Variants in TPPP3 observed in about 807,000 individuals in gnomAD.
TPPP3 encodes the protein tubulin polymerization promoting protein family member 3, also known as tubulin polymerization-promoting protein family member 3.
TPPP3 carries 7 observed loss-of-function variants against 13.1 expected under a neutral mutation model. The observed-to-expected ratio is 0.54, with a 90% confidence interval of 0.30 to 1.01. TPPP3 has a LOEUF of 1.01. Among genes scored for constraint, TPPP3 ranks in the 50% least tolerant of loss-of-function variants. The probability of loss-of-function intolerance (pLI) is 0.06; values close to 1 mark genes in which losing one functional copy is unlikely to be tolerated. For synonymous variants in TPPP3, 87 were observed against 93.7 expected (o/e 0.93, Z 0.41); for missense variants, 185 against 235.0 (o/e 0.79, Z 1.39).
chr16:67,393,479 G>A lies in TPPP3; in HGVS notation c.-106C>T, dbSNP rs918357541. On this transcript the variant is annotated 5_prime_UTR_variant, in exon 1 of 4. Transcript: ENST00000393957. This position sits in a 1 kb window ranked among gnomAD's most constrained non-coding sequence, Gnocchi z 5.4. ...AGGCGGCTCCGCAGCTCCGCTCCCT[G>A]CCGGCTCCCGGGTGGGACTGCAGCC... 4.1e-6 allele frequency: 4 copies of A among 985,504 alleles called. No homozygotes were observed. Among genetic ancestry groups the A allele is most frequent in the African/African-American group, 1.7e-5 (1 of 57,250 alleles). The allele number at this position is 985,504 out of a possible 1,614,324, so 61.0% of individuals were successfully genotyped here.
At position 67,389,974 on chromosome 16, in the gene TPPP3, C is replaced by G. The variant is rs1051939286; in HGVS notation, c.*200G>C. 1.7e-6 allele frequency: 1 copy of G among 593,126 alleles called. No homozygotes were observed. Among genetic ancestry groups the G allele is most frequent in the Non-Finnish European group, 3.0e-6 (1 of 336,228 alleles). 36.7% of individuals were successfully genotyped at this position (593,126 alleles called of 1,614,324 possible). On this transcript the variant is annotated 3_prime_UTR_variant, in exon 4 of 4. Transcript: ENST00000393957. The stretch of plus-strand genomic sequence containing the variant: ...GTCCCCAGGTGGACAGAAGTTGGAG[C>G]AGGAAGAGGAGGAGGAAGGGGCCGC...
chr16:67,392,189 C>T lies in TPPP3; in HGVS notation c.-6-1072G>A, dbSNP rs762585857. ...CTGGGCCTTGTACCCCTGGCCATAC[C>T]TTCAGCCCTCCATCCTCCATCTTCA... On this transcript the variant is annotated intron_variant, in intron 1 of 3. Coordinates refer to ENST00000393957, the MANE Select transcript of TPPP3 (RefSeq NM_015964.4). This position sits in a 1 kb window ranked among gnomAD's most constrained non-coding sequence, Gnocchi z 4.9. 3.3e-5 allele frequency among the ~76,000 whole-genome samples: 5 copies of T among 151,854 alleles called. No individual in the cohort carries two copies. Among genetic ancestry groups the T allele is most frequent in the Non-Finnish European group, 7.4e-5 (5 of 67,918 alleles).
rs1387168883 is a variant in TPPP3, at chr16:67,392,106, G to A, written c.-6-989C>T. On this transcript the variant is annotated intron_variant, in intron 1 of 3. Coordinates refer to ENST00000393957, the MANE Select transcript of TPPP3 (RefSeq NM_015964.4). The surrounding 1 kb of genome is among the most constrained non-coding windows in gnomAD (Gnocchi z 4.9). Reference sequence around the variant, plus strand: ...CCTCCCCTGGCCACGCCCTGAACTTGGCCACACCAGCCCACATTCCCAGCG... The same window carrying A: ...CCTCCCCTGGCCACGCCCTGAACTTAGCCACACCAGCCCACATTCCCAGCG... Among the ~76,000 whole-genome samples the A allele has an allele frequency of 1.3e-5, 2 of 149,236 alleles. No homozygotes were observed. Among genetic ancestry groups the A allele is most frequent in the African/African-American group, 5.0e-5 (2 of 40,194 alleles).
In TPPP3 at chr16:67,393,445, C is replaced by G. The variant is rs1597525341; in HGVS notation, c.-72G>C. ...CGACGCAGGAATGGACCGATGGACG[C>G]GGGAGACCAGGCGGCTCCGCAGCTC... On this transcript the variant is annotated 5_prime_UTR_variant, in exon 1 of 4. Coordinates refer to ENST00000393957, the MANE Select transcript of TPPP3 (RefSeq NM_015964.4). This position sits in a 1 kb window ranked among gnomAD's most constrained non-coding sequence, Gnocchi z 5.4. 1 of 985,472 alleles carries G rather than the reference C, an allele frequency of 1.0e-6. No homozygotes were observed. Among genetic ancestry groups the G allele is most frequent in the African/African-American group, 1.7e-5 (1 of 57,246 alleles). The allele number at this position is 985,472 out of a possible 1,614,324, so 61.0% of individuals were successfully genotyped here. A position where few individuals can be genotyped will look rare whatever the true frequency, so the allele number is the denominator to read the frequency against.
At position 67,390,556 on chromosome 16, in the gene TPPP3, C is replaced by G. The variant is rs200153072; in HGVS notation, c.265G>C (p.Gly89Arg). 12 of 1,614,042 alleles carry G rather than the reference C, an allele frequency of 7.4e-6. No homozygotes were observed. The highest frequency in any genetic ancestry group is 1.6e-4 in the Middle Eastern group (1 of 6,062). ...LEELATKRFK[G>R]KSKEEAFDAI... ...TCGAAGGCCTCCTCCTTGCTCTTCC[C>G]CTTGAATCTCTTGGTCGCCAGCTCT... The change falls in exon 3 of 4, where the codon GGG becomes CGG. Residue 89 changes from glycine (G) to arginine (R), a missense_variant. By Grantham distance (125) the Gly-to-Arg change is moderately radical (BLOSUM62 -2). Coordinates refer to ENST00000393957, the MANE Select transcript of TPPP3 (RefSeq NM_015964.4). This position sits in a 1 kb window ranked among gnomAD's most constrained non-coding sequence, Gnocchi z 6.4.
In TPPP3 at chr16:67,391,179, A is replaced by G. The variant is rs1232375392; in HGVS notation, c.-6-62T>C. The G allele has an allele frequency of 6.5e-7, 1 of 1,536,230 alleles. No homozygotes were observed. Among genetic ancestry groups the G allele is most frequent in the African/African-American group, 1.4e-5 (1 of 73,702 alleles). ...TGCCCTTCCCCTCCCCCAAGCCCAG[A>G]ACATCCCAGCCTCTACCTCAAACCT... is the stretch of plus-strand genomic sequence containing the variant. On this transcript the variant is annotated intron_variant, in intron 1 of 3. Transcript: ENST00000393957. This position sits in a 1 kb window ranked among gnomAD's most constrained non-coding sequence, Gnocchi z 6.3.
chr16:67,390,893 A>T lies in TPPP3; in HGVS notation c.188+31T>A. On this transcript the variant is annotated intron_variant, in intron 2 of 3. Coordinates refer to ENST00000393957, the MANE Select transcript of TPPP3 (RefSeq NM_015964.4). This position sits in a 1 kb window ranked among gnomAD's most constrained non-coding sequence, Gnocchi z 6.4. ...CCCCCCAGTTCCCCACCTCCTGGGA[A>T]CATGAGAAGCAGGGGCTGCTTAGGG... The T allele has an allele frequency of 6.2e-7, 1 of 1,603,134 alleles. No individual in the cohort carries two copies. Among genetic ancestry groups the T allele is most frequent in the Non-Finnish European group, 8.5e-7 (1 of 1,172,174 alleles).
In TPPP3 at chr16:67,393,251, G is replaced by T; in HGVS notation, c.-7+129C>A. The stretch of plus-strand genomic sequence containing the variant: ...GGTGGAATGCTTGGGGCCAGGGCAG[G>T]GCCGCTCAGCTGGCTCCTCGGCTGG... On this transcript the variant is annotated intron_variant, in intron 1 of 3. Transcript: ENST00000393957. This position sits in a 1 kb window ranked among gnomAD's most constrained non-coding sequence, Gnocchi z 5.4. 1.1e-6 allele frequency: 1 copy of T among 873,718 alleles called. No individual in the cohort carries two copies. Among genetic ancestry groups the T allele is most frequent in the Non-Finnish European group, 1.4e-6 (1 of 728,074 alleles). 54.1% of individuals were successfully genotyped at this position (873,718 alleles called of 1,614,324 possible).
chr16:67,393,266 T>A lies in TPPP3; in HGVS notation c.-7+114A>T. ...GCCAGGGCAGGGCCGCTCAGCTGGC[T>A]CCTCGGCTGGGACCGCCGGAGGTTG... On this transcript the variant is annotated intron_variant, in intron 1 of 3. Transcript: ENST00000393957. The surrounding 1 kb of genome is among the most constrained non-coding windows in gnomAD (Gnocchi z 5.4). 2 of 936,602 alleles carry A rather than the reference T, an allele frequency of 2.1e-6. No individual in the cohort carries two copies. Among genetic ancestry groups the A allele is most frequent in the Non-Finnish European group, 2.5e-6 (2 of 785,414 alleles). The allele number at this position is 936,602 out of a possible 1,614,324, so 58.0% of individuals were successfully genotyped here.
Position 67,393,168 on chromosome 16 carries a change from G to T in TPPP3, c.-7+212C>A. On this transcript the variant is annotated intron_variant, in intron 1 of 3. Coordinates refer to ENST00000393957, the MANE Select transcript of TPPP3 (RefSeq NM_015964.4). The surrounding 1 kb of genome is among the most constrained non-coding windows in gnomAD (Gnocchi z 5.4). ...CCCGTGAACTGGAGCCACCCGTCCC[G>T]CTCCCACTGGGACAGCTGGAGTCAT... 3.3e-6 allele frequency: 2 copies of T among 608,096 alleles called. No individual in the cohort carries two copies. The highest frequency in any genetic ancestry group is 4.1e-6 in the Non-Finnish European group (2 of 485,180). The allele number at this position is 608,096 out of a possible 1,614,324, so 37.7% of individuals were successfully genotyped here. A position where few individuals can be genotyped will look rare whatever the true frequency, so the allele number is the denominator to read the frequency against.
rs377234620 is a variant in TPPP3, at chr16:67,391,068, C to T, written c.44G>A (p.Arg15His). 4.3e-5 allele frequency: 70 copies of T among 1,614,086 alleles called. No individual in the cohort carries two copies. The highest frequency in any genetic ancestry group is 1.3e-4 in the African/African-American group (10 of 74,954). ...TDMAGLEESF[R>H]KFAIHGDPKA... is the part of the protein sequence containing the mutation. ...GGGGTCACCATGGATGGCAAACTTG[C>T]GGAAGCTCTCCTCCAGCCCAGCCAT... The change falls in exon 2 of 4, where the codon CGC (arginine) becomes CAC (histidine). Residue 15 changes from arginine (R) to histidine (H), a missense_variant. Transcript: ENST00000393957. The surrounding 1 kb of genome is among the most constrained non-coding windows in gnomAD (Gnocchi z 6.3).
rs1030537007 is a variant in TPPP3, at chr16:67,390,050, G to C, written c.*124C>G. The C allele has an allele frequency of 3.7e-6, 4 of 1,091,476 alleles. No individual in the cohort carries two copies. The highest frequency in any genetic ancestry group is 5.2e-6 in the Non-Finnish European group (4 of 771,836). The allele number at this position is 1,091,476 out of a possible 1,614,324, so 67.6% of individuals were successfully genotyped here. A position where few individuals can be genotyped will look rare whatever the true frequency, so the allele number is the denominator to read the frequency against. On this transcript the variant is annotated 3_prime_UTR_variant, in exon 4 of 4. Coordinates refer to ENST00000393957, the MANE Select transcript of TPPP3 (RefSeq NM_015964.4). The surrounding 1 kb of genome is among the most constrained non-coding windows in gnomAD (Gnocchi z 6.4). ...TGGGCCAGCCCAGTGGGACTAGGCA[G>C]GAAGCTCTGGGTGGCAGGTCCAGCA...
In TPPP3 at chr16:67,390,782, A is replaced by AATAGAT; in HGVS notation, c.188+136_188+141dup. 7.1e-7 allele frequency: 1 copy of AATAGAT among 1,403,616 alleles called. No individual in the cohort carries two copies. The highest frequency in any genetic ancestry group is 9.5e-7 in the Non-Finnish European group (1 of 1,047,848). 86.9% of individuals were successfully genotyped at this position (1,403,616 alleles called of 1,614,324 possible). A position where few individuals can be genotyped will look rare whatever the true frequency, so the allele number is the denominator to read the frequency against. On this transcript the variant is annotated intron_variant, in intron 2 of 3. Coordinates refer to ENST00000393957, the MANE Select transcript of TPPP3 (RefSeq NM_015964.4). This position sits in a 1 kb window ranked among gnomAD's most constrained non-coding sequence, Gnocchi z 6.4. The stretch of plus-strand genomic sequence containing the variant: ...GCAGGGGTCAGCAACTCTGGAGGGC[A>AATAGAT]ATAGATATAAGGTTTGCCCTGGAAG...
Position 67,390,237 on chromosome 16 carries a change from G to A in TPPP3, c.468C>T (p.Asp156=), listed in dbSNP as rs137924465. ...KGIAGRQDIL[D]DSGYVSAYKN... Reference sequence around the variant, plus strand: ...TGTAGGCGCTCACGTAGCCACTGTCGTCCAGGATGTCCTGCCGTCCCGCAA... The same window carrying A: ...TGTAGGCGCTCACGTAGCCACTGTCATCCAGGATGTCCTGCCGTCCCGCAA... Residue 156 remains aspartate (D), a synonymous_variant, in exon 4 of 4, where the codon GAC becomes GAT. Coordinates refer to ENST00000393957, the MANE Select transcript of TPPP3 (RefSeq NM_015964.4). The surrounding 1 kb of genome is among the most constrained non-coding windows in gnomAD (Gnocchi z 6.4). 1.3e-4 allele frequency: 206 copies of A among 1,614,190 alleles called. 2 individuals carry two copies. Among genetic ancestry groups the A allele is most frequent in the African/African-American group, 2.9e-4 (22 of 75,034 alleles).
rs937142417 is a variant in TPPP3, at chr16:67,389,920, T to C, written c.*254A>G. ...GGGGTTAGCCATGCCTGGGGCTGGGTTGGGGTCATGAGGCTACAGGCACAG... is the reference window on the plus strand; with the variant it reads ...GGGGTTAGCCATGCCTGGGGCTGGGCTGGGGTCATGAGGCTACAGGCACAG... On this transcript the variant is annotated 3_prime_UTR_variant, in exon 4 of 4. Coordinates refer to ENST00000393957, the MANE Select transcript of TPPP3 (RefSeq NM_015964.4). 29 of 495,432 alleles carry C rather than the reference T, an allele frequency of 5.9e-5. No homozygotes were observed. The South Asian group carries it at 8.0e-4, about 14-fold the overall frequency. The allele number at this position is 495,432 out of a possible 1,614,324, so 30.7% of individuals were successfully genotyped here.
Position 67,393,482 on chromosome 16 carries a change from G to A in TPPP3, c.-109C>T. 1.0e-6 allele frequency: 1 copy of A among 985,542 alleles called. No homozygotes were observed. Among genetic ancestry groups the A allele is most frequent in the South Asian group, 4.7e-5 (1 of 21,292 alleles). 61.0% of individuals were successfully genotyped at this position (985,542 alleles called of 1,614,324 possible). A position where few individuals can be genotyped will look rare whatever the true frequency, so the allele number is the denominator to read the frequency against. On this transcript the variant is annotated 5_prime_UTR_variant, in exon 1 of 4. Transcript: ENST00000393957. This position sits in a 1 kb window ranked among gnomAD's most constrained non-coding sequence, Gnocchi z 5.4. ...CGGCTCCGCAGCTCCGCTCCCTGCC[G>A]GCTCCCGGGTGGGACTGCAGCCCAG...
Position 67,391,178 on chromosome 16 carries a change from G to C in TPPP3, c.-6-61C>G. The C allele has an allele frequency of 6.5e-7, 1 of 1,533,744 alleles. No individual in the cohort carries two copies. On this transcript the variant is annotated intron_variant, in intron 1 of 3. Coordinates refer to ENST00000393957, the MANE Select transcript of TPPP3 (RefSeq NM_015964.4). The surrounding 1 kb of genome is among the most constrained non-coding windows in gnomAD (Gnocchi z 6.3). ...CTGCCCTTCCCCTCCCCCAAGCCCAGAACATCCCAGCCTCTACCTCAAACC... is the reference window on the plus strand; with the variant it reads ...CTGCCCTTCCCCTCCCCCAAGCCCACAACATCCCAGCCTCTACCTCAAACC...
Position 67,390,156 on chromosome 16 carries a change from G to T in TPPP3, c.*18C>A, listed in dbSNP as rs767833503. Reference sequence around the variant, plus strand: ...CTGGCAGGGGCAGCCGCACTTGGCAGGGCGGTCTTCCCAAGCCTCACTTCT... The same window carrying T: ...CTGGCAGGGGCAGCCGCACTTGGCATGGCGGTCTTCCCAAGCCTCACTTCT... On this transcript the variant is annotated 3_prime_UTR_variant, in exon 4 of 4. Transcript: ENST00000393957. This position sits in a 1 kb window ranked among gnomAD's most constrained non-coding sequence, Gnocchi z 6.4. 5 of 1,610,380 alleles carry T rather than the reference G, an allele frequency of 3.1e-6. No homozygotes were observed. The highest frequency in any genetic ancestry group is 4.2e-6 in the Non-Finnish European group (5 of 1,177,204).
In TPPP3 at chr16:67,391,305, C is replaced by A. The variant is rs1187055603; in HGVS notation, c.-6-188G>T. 9 of 615,552 alleles carry A rather than the reference C, an allele frequency of 1.5e-5. No homozygotes were observed. The highest frequency in any genetic ancestry group is 2.6e-5 in the Non-Finnish European group (9 of 352,934). 38.1% of individuals were successfully genotyped at this position (615,552 alleles called of 1,614,324 possible). On this transcript the variant is annotated intron_variant, in intron 1 of 3. Transcript: ENST00000393957. The surrounding 1 kb of genome is among the most constrained non-coding windows in gnomAD (Gnocchi z 6.3). Reference sequence around the variant, plus strand: ...GGGCCACAGAGCCCCAAGGAAGAGCCCCGGGAGGCACGGTCTTGTCACTAA... The same window carrying A: ...GGGCCACAGAGCCCCAAGGAAGAGCACCGGGAGGCACGGTCTTGTCACTAA...
Sources: gnomAD v4.1 joint callset for allele counts (sites outside exome capture counted in the v4.1 genomes callset) on GRCh38, gnomAD v4.1.1 for gene constraint, Gnocchi (gnomAD v3.1) non-coding constraint, MANE v1.5 for transcripts, NCBI Gene and HGNC (gene_info 2026-07-23, HGNC 2026-07-21) for gene names.